The following PTPRS variants were observed in gnomAD, a reference collection of about 807,000 sequenced individuals.
PTPRS encodes receptor-type tyrosine-protein phosphatase S.
In PTPRS, 63 loss-of-function variants were observed where a neutral mutation model predicts 215.3. That is an observed-to-expected ratio of 0.29 (90% CI 0.24 to 0.36). PTPRS has a LOEUF of 0.36. PTPRS is among the 10% of genes least tolerant of loss of function. The probability of loss-of-function intolerance (pLI) is 1.00; values close to 1 mark genes in which losing one functional copy is unlikely to be tolerated. For synonymous variants in PTPRS, 1,404 were observed against 1,191.4 expected (o/e 1.18, Z -3.68); for missense variants, 2,258 against 2,825.8 (o/e 0.80, Z 4.56).
chr19:5,299,130 C>T (rs1018159438), intron 1 of PTPRS, among the ~76,000 whole-genome samples: 3 of 152,194 alleles, frequency 2.0e-5, no homozygotes, highest in East Asian at 1.9e-4. Context: ...TACATGGTGC[C>T]GGTGTGCACC....
At chr19:5,316,850 C>CTGTGATTTGGGGTTCTGGCACCT (rs2049890249) in intron 1 of PTPRS, among the ~76,000 whole-genome samples, 1 of 152,024 alleles carries the variant, frequency 6.6e-6, no homozygotes, top group Non-Finnish European at 1.5e-5. Context: ...TTCTGGCACC[C>CTGTGATTTGGGGTTCTGGCACCT]GGCTGTGATT....
chr19:5,265,046 G>A lies in PTPRS; in HGVS notation c.530C>T (p.Pro177Leu), dbSNP rs2046304108. ...TWFKDFLPVDPSASNGRIKQL... is the reference protein window; with the variant it reads ...TWFKDFLPVDLSASNGRIKQL... ...TTTGATGCGTCCATTGCTGGCACTAGGATCCACAGGCAGGAAGTCCTTGAA... is the reference window on the plus strand; with the variant it reads ...TTTGATGCGTCCATTGCTGGCACTAAGATCCACAGGCAGGAAGTCCTTGAA... Residue 177 changes from proline to leucine, a missense_variant, in exon 5 of 38, where the codon CCT becomes CTT. Around this residue, in one of 6 missense-constraint regions of PTPRS, gnomAD observed 508 missense variants for 799.4 expected, o/e 0.64. Coordinates refer to ENST00000262963, the MANE Select transcript of PTPRS (RefSeq NM_002850.4). 6.2e-7 allele frequency: 1 copy of A among 1,614,108 alleles called. No individual in the cohort carries two copies. Among genetic ancestry groups the A allele is most frequent in the East Asian group, 2.2e-5 (1 of 44,870 alleles).
At chr19:5,302,859 G>C (rs1050160724) in intron 1 of PTPRS, among the ~76,000 whole-genome samples, 7 of 144,770 alleles carry the variant, frequency 4.8e-5, no homozygotes, top group African/African-American at 1.5e-4. Context: ...AGATCGAGAC[G>C]ATCCTGGCTA....
chr19:5,290,752 G>A (rs950878375), intron 1 of PTPRS, among the ~76,000 whole-genome samples: 2 of 152,010 alleles, frequency 1.3e-5, no homozygotes, highest in African/African-American at 4.8e-5. Context: ...TATGCCAGCA[G>A]TGGGACTCAG....
intron 1 of PTPRS, among the ~76,000 whole-genome samples, chr19:5,314,918 T>C (rs530642378): frequency 1.3e-5 from 2 of 152,326 alleles, no homozygotes; most frequent in Non-Finnish European, 1.5e-5. Flanking sequence ...AACACCCACA[T>C]GGCGTCATTC....
chr19:5,327,120 G>A (rs1030295475), intron 1 of PTPRS, among the ~76,000 whole-genome samples: 2 of 152,162 alleles, frequency 1.3e-5, no homozygotes, highest in South Asian at 2.1e-4. Context: ...CCTGCGACTC[G>A]GTCTGCGCAG....
intron 6 of PTPRS, among the ~76,000 whole-genome samples, chr19:5,262,361 G>A (rs944065644): frequency 1.3e-5 from 2 of 152,204 alleles, no homozygotes; most frequent in African/African-American, 2.4e-5. Context: ...ATTAAAAGGT[G>A]TTCCGCCTCC....
chr19:5,248,109 C>A (rs2044668816), intron 9 of PTPRS, among the ~76,000 whole-genome samples: 2 of 151,330 alleles, frequency 1.3e-5, no homozygotes, highest in Admixed American at 1.3e-4. Flanking sequence ...GTCCGGCCAG[C>A]CAGCGGACGC....
At chr19:5,323,977 A>C (rs2098010) in intron 1 of PTPRS, among the ~76,000 whole-genome samples, 115,521 of 151,958 alleles carry the variant, frequency 0.76, 45,261 homozygotes, top group African/African-American at 0.94. Context: ...TGCCTGTAAT[A>C]CCAGCACTTT....
intron 2 of PTPRS, among the ~76,000 whole-genome samples, chr19:5,274,703 C>T (rs549123105): frequency 6.6e-6 from 1 of 152,236 alleles, no homozygotes; most frequent in South Asian, 2.1e-4. Flanking sequence ...AAGGGGAAAC[C>T]TGTGAGATGC....
In PTPRS at chr19:5,259,786, T is replaced by C. The variant is rs552115426; in HGVS notation, c.595+1019A>G. Among the ~76,000 whole-genome samples, 8 of 152,254 alleles carry C rather than the reference T, an allele frequency of 5.3e-5. No homozygotes were observed. The East Asian group carries it at 1.5e-3, about 29-fold the overall frequency. On this transcript the variant is annotated intron_variant, in intron 7 of 37. Transcript: ENST00000262963. ...AGCTTTCCAGCCTTGTTTGTGACTA[T>C]CCCACAGAAATGACATGGACCCACA...
chr19:5,225,871 G>A (rs753293982), intron 16 of PTPRS, 27 bp from the exon 17 acceptor site: 23 of 1,591,894 alleles, frequency 1.4e-5, no homozygotes, highest in Middle Eastern at 1.7e-4. Context: ...GGGTCAGCAC[G>A]ACGGCTGGGG....
At chr19:5,225,615 G>A in intron 17 of PTPRS, 112 bp downstream of exon 17, 1 of 951,184 alleles carries the variant, frequency 1.1e-6, no homozygotes. Flanking sequence ...TGTTCCAGCT[G>A]CCTGGTGCAC....
intron 5 of PTPRS, 75 bp from the exon 6 acceptor site, chr19:5,263,047 T>C: frequency 3.8e-6 from 2 of 525,506 alleles, no homozygotes; most frequent in Non-Finnish European, 6.1e-6. Context: ...TCCTATGTCC[T>C]CAGCGAGGAG....
intron 11 of PTPRS, 118 bp downstream of exon 11, chr19:5,243,783 A>G (rs2044248346): frequency 1.0e-6 from 1 of 971,556 alleles, no homozygotes; most frequent in Non-Finnish European, 1.4e-6. Context: ...AAATGCTAGC[A>G]TGAAAATATC....
intron 9 of PTPRS, among the ~76,000 whole-genome samples, chr19:5,251,630 T>G (rs1316732997): frequency 3.3e-5 from 5 of 151,910 alleles, no homozygotes; most frequent in African/African-American, 1.2e-4. Context: ...AAACAGCGAA[T>G]GCAGAGGGTG....
chr19:5,331,660 C>T (rs868086018), intron 1 of PTPRS, among the ~76,000 whole-genome samples: 4 of 152,118 alleles, frequency 2.6e-5, no homozygotes, highest in Non-Finnish European at 2.9e-5. Flanking sequence ...GTACACTCAA[C>T]GAGTAATACT....
At position 5,220,159 on chromosome 19, in the gene PTPRS, G is replaced by A. The variant is rs141798974; in HGVS notation, c.3550-5C>T. Reference sequence around the variant, plus strand: ...CCGTGAGATGTCCTGGATGAGCTGCGGGAACAGAGTCATGGGTGGCTCAGA... The same window carrying A: ...CCGTGAGATGTCCTGGATGAGCTGCAGGAACAGAGTCATGGGTGGCTCAGA... On this transcript the variant is annotated splice_region_variant and splice_polypyrimidine_tract_variant and intron_variant, in intron 21 of 37. Transcript: ENST00000262963. 31 of 1,610,104 alleles carry A rather than the reference G, an allele frequency of 1.9e-5. No individual in the cohort carries two copies. The highest frequency in any genetic ancestry group is 1.7e-4 in the Middle Eastern group (1 of 6,052).
chr19:5,262,819 G>A, intron 6 of PTPRS, 145 bp downstream of exon 6: 1 of 857,954 alleles, frequency 1.2e-6, no homozygotes, highest in Non-Finnish European at 1.9e-6. Context: ...CGGGGAGGAG[G>A]GAGAGGGCGT....
Sources: gnomAD v4.1 joint callset for allele counts (sites outside exome capture counted in the v4.1 genomes callset) on GRCh38, gnomAD v4.1.1 for gene constraint, gnomAD v4.1.1 regional missense constraint, MANE v1.5 for transcripts, NCBI Gene and HGNC (gene_info 2026-07-23, HGNC 2026-07-21) for gene names.